The following UPP2 variants were observed in gnomAD, a reference collection of about 807,000 sequenced individuals.
The protein encoded by UPP2 is uridine phosphorylase 2, also known as UPase 2.
Under a neutral mutation model 26.7 loss-of-function variants are expected in UPP2, and 23 were observed. The ratio of observed to expected loss-of-function variants is 0.86; its 90% CI spans 0.62 to 1.22. UPP2 has a LOEUF of 1.22. Ranked by LOEUF, UPP2 falls within the 50% of genes most tolerant of loss-of-function variation. UPP2 has a pLI of 0.00. For missense variants in UPP2, 387 were observed against 396.7 expected (o/e 0.98, Z 0.21); for synonymous variants, 127 against 141.3 (o/e 0.90, Z 0.72).
chr2:158,068,879 G>A (rs1340686471), intron 3 of UPP2, among the ~76,000 whole-genome samples: 37 of 119,544 alleles, frequency 3.1e-4, no homozygotes, highest in South Asian at 2.7e-3. Context: ...GTGCAGTGGC[G>A]CAATCTCAGC....
rs191619610 is a variant in UPP2, at chr2:157,998,408, C to T, written c.61+3149C>T. On this transcript the variant is annotated intron_variant, in intron 2 of 9. Coordinates refer to the UPP2 transcript ENST00000605860. ...GAAATGCTCTGTGATTACTCTACTT[C>T]GAAGGTCAGAAATGACTGTGGGGGA... Among the ~76,000 whole-genome samples, 401 of 152,238 alleles carry T rather than the reference C, an allele frequency of 2.6e-3. 5 individuals are homozygous for T. The highest frequency in any genetic ancestry group is 3.2e-3 in the Non-Finnish European group (220 of 68,024).
At chr2:158,110,549 G>A (rs2105218105) in intron 2 of UPP2, among the ~76,000 whole-genome samples, 1 of 152,248 alleles carries the variant, frequency 6.6e-6, no homozygotes, top group East Asian at 1.9e-4. Flanking sequence ...TCTAGTTCTA[G>A]ATCCTTGAGG....
At chr2:158,058,047 CT>C (rs35076196) in intron 3 of UPP2, among the ~76,000 whole-genome samples, 2 of 152,044 alleles carry the variant, frequency 1.3e-5, no homozygotes, top group South Asian at 2.1e-4. Flanking sequence ...AATCCTAGCA[CT>C]TTTGGGAGGC....
Position 158,107,057 on chromosome 2 carries a change from G to T in UPP2, c.180+841G>T, listed in dbSNP as rs140833983. On this transcript the variant is annotated intron_variant, in intron 2 of 6. Coordinates refer to ENST00000005756, the MANE Select transcript of UPP2 (RefSeq NM_173355.4). ...CACACATTACAGAGACTATTACTGA[G>T]TTTTATGTTAAAATATTTTCCATTA... is the stretch of plus-strand genomic sequence containing the variant. Among the ~76,000 whole-genome samples, 6 of 152,110 alleles carry T rather than the reference G, an allele frequency of 3.9e-5. No homozygotes were observed. The East Asian group carries it at 1.2e-3, about 29-fold the overall frequency.
At chr2:158,132,821 G>C (rs1368395239) in intron 6 of UPP2, among the ~76,000 whole-genome samples, 1 of 152,134 alleles carries the variant, frequency 6.6e-6, no homozygotes, top group Non-Finnish European at 1.5e-5. Context: ...ACAATGGCGA[G>C]GTGTCGCTTC....
chr2:158,091,944 G>A (rs1682918747), intron 3 of UPP2, among the ~76,000 whole-genome samples: 1 of 152,146 alleles, frequency 6.6e-6, no homozygotes, highest in Non-Finnish European at 1.5e-5. Context: ...ATAGTTATAT[G>A]GAATAGGGTG....
In UPP2 at chr2:158,134,996, T is replaced by A. The variant is rs1219207535; in HGVS notation, c.*106T>A. 2 of 1,296,812 alleles carry A rather than the reference T, an allele frequency of 1.5e-6. No individual in the cohort carries two copies. The highest frequency in any genetic ancestry group is 3.0e-5 in the African/African-American group (2 of 66,144). 80.3% of individuals were successfully genotyped at this position (1,296,812 alleles called of 1,614,324 possible). A position where few individuals can be genotyped will look rare whatever the true frequency, so the allele number is the denominator to read the frequency against. ...CATTTTTATATAGTTCTCATCCACA[T>A]GCTAAATGGAAAGACTTTATGAAAT... On this transcript the variant is annotated 3_prime_UTR_variant, in exon 7 of 7. Coordinates refer to ENST00000005756, the MANE Select transcript of UPP2 (RefSeq NM_173355.4).
intron 2 of UPP2, among the ~76,000 whole-genome samples, chr2:158,113,708 A>C (rs893451392): frequency 6.6e-6 from 1 of 152,208 alleles, no homozygotes; most frequent in Non-Finnish European, 1.5e-5. Flanking sequence ...CTATAACCTC[A>C]GTTAGGTATT....
chr2:158,017,162 A>G (rs1278312089), intron 3 of UPP2, among the ~76,000 whole-genome samples: 3 of 152,202 alleles, frequency 2.0e-5, no homozygotes, highest in Admixed American at 2.0e-4. Flanking sequence ...TGACACAGCA[A>G]TTCCTGCCTC....
In UPP2 at chr2:158,135,882, A is replaced by G. The variant is rs2105238053; in HGVS notation, c.*992A>G. 2 of 152,458 alleles carry G rather than the reference A, an allele frequency of 1.3e-5. No individual in the cohort carries two copies. Among genetic ancestry groups the G allele is most frequent in the East Asian group, 3.9e-4 (2 of 5,182 alleles). 9.4% of individuals were successfully genotyped at this position (152,458 alleles called of 1,614,324 possible). Reference sequence around the variant, plus strand: ...TGACTGGATGGGGGATGGGTAGAGGATGACTGGCACACTTGTATAGTATGT... The same window carrying G: ...TGACTGGATGGGGGATGGGTAGAGGGTGACTGGCACACTTGTATAGTATGT... On this transcript the variant is annotated 3_prime_UTR_variant, in exon 7 of 7. Transcript: ENST00000005756.
chr2:158,048,169 ACTC>A (rs1046350989), intron 3 of UPP2, among the ~76,000 whole-genome samples: 2 of 152,122 alleles, frequency 1.3e-5, no homozygotes, highest in African/African-American at 2.4e-5. Flanking sequence ...TTTTGCAAGA[ACTC>A]TCCTCATGGA....
chr2:158,117,554 C>T (rs1416915041), intron 3 of UPP2, among the ~76,000 whole-genome samples: 3 of 151,906 alleles, frequency 2.0e-5, no homozygotes, highest in Non-Finnish European at 2.9e-5. Flanking sequence ...TATACCACAC[C>T]ATCCCCACCT....
At chr2:158,042,802 G>A (rs1017690879) in intron 3 of UPP2, among the ~76,000 whole-genome samples, 6 of 152,136 alleles carry the variant, frequency 3.9e-5, no homozygotes, top group African/African-American at 1.2e-4. Flanking sequence ...AGAGGCCGGC[G>A]AGGATGCTGG....
intron 3 of UPP2, among the ~76,000 whole-genome samples, chr2:158,055,428 G>A (rs922254928): frequency 1.3e-5 from 2 of 152,196 alleles, no homozygotes; most frequent in South Asian, 2.1e-4. Context: ...AATTTTGCAC[G>A]GGACATTCAA....
At chr2:158,003,771 A>G (rs574673873) in intron 2 of UPP2, among the ~76,000 whole-genome samples, 7 of 152,060 alleles carry the variant, frequency 4.6e-5, no homozygotes, top group Middle Eastern at 6.8e-3. Context: ...ATGGAATTGT[A>G]GATATTAGTA....
chr2:158,094,533 A>G (rs940086199), intron 3 of UPP2, among the ~76,000 whole-genome samples: 1 of 152,220 alleles, frequency 6.6e-6, no homozygotes, highest in African/African-American at 2.4e-5. Flanking sequence ...CAATGTGACC[A>G]TGATTATACA....
At chr2:158,076,843 T>G (rs1218359001) in intron 3 of UPP2, among the ~76,000 whole-genome samples, 1 of 152,064 alleles carries the variant, frequency 6.6e-6, no homozygotes, top group Non-Finnish European at 1.5e-5. Context: ...GAGAAAGATA[T>G]AAAGGGCATC....
chr2:158,132,533 A>G (rs1683840822), intron 6 of UPP2, among the ~76,000 whole-genome samples: 1 of 152,250 alleles, frequency 6.6e-6, no homozygotes, highest in African/African-American at 2.4e-5. Flanking sequence ...GTGATATCAT[A>G]AATGCTTGGC....
In UPP2 at chr2:158,095,432, C is replaced by T. The variant is rs530922489; in HGVS notation, c.148-6608C>T. On this transcript the variant is annotated intron_variant, in intron 3 of 9. Transcript: ENST00000605860. ...TTCCTTACATCCCAGTCCTACTTCA[C>T]CTTCAACACCCAGATCAAATTCCCT... Among the ~76,000 whole-genome samples, 26 of 152,172 alleles carry T rather than the reference C, an allele frequency of 1.7e-4. 1 individual carries two copies. The highest frequency in any genetic ancestry group is 8.3e-4 in the South Asian group (4 of 4,820).
Sources: allele counts gnomAD v4.1 joint callset (sites outside exome capture counted in the v4.1 genomes callset), GRCh38; gene constraint gnomAD v4.1.1; transcripts MANE v1.5; gene names NCBI Gene and HGNC (gene_info 2026-07-23, HGNC 2026-07-21).